Variants in MAD1L1 observed in about 807,000 individuals in gnomAD.
MAD1L1 encodes mitotic spindle assembly checkpoint protein MAD1.
A neutral mutation model predicts 96.9 loss-of-function variants in MAD1L1; 95 were observed. The observed-to-expected ratio is 0.98, with a 90% CI of 0.83 to 1.16. MAD1L1 has a LOEUF of 1.16. Among genes scored for constraint, MAD1L1 ranks in the 50% most tolerant of loss-of-function variants. The pLI is 0.00. For synonymous variants in MAD1L1, 473 were observed against 396.6 expected (o/e 1.19, Z -2.29); for missense variants, 1,007 against 954.4 (o/e 1.06, Z -0.73).
intron 18 of MAD1L1, among the ~76,000 whole-genome samples, chr7:1,825,009 T>TCAC (rs1782318092): frequency 6.6e-6 from 1 of 151,614 alleles, no homozygotes. Context: ...TCTTAGAAAA[T>TCAC]CAAAATGTTA....
intron 12 of MAD1L1, among the ~76,000 whole-genome samples, chr7:2,046,864 T>C (rs1783944614): frequency 6.6e-6 from 1 of 152,214 alleles, no homozygotes; most frequent in South Asian, 2.1e-4. Context: ...CAGCGCTCCC[T>C]GTGCCCACAC....
In MAD1L1 at chr7:2,115,837, C is replaced by T. The variant is rs986802903; in HGVS notation, c.1073+33315G>A. Among the ~76,000 whole-genome samples the T allele has an allele frequency of 2.6e-5, 4 of 152,354 alleles. No individual in the cohort carries two copies. In the South Asian group the frequency reaches 8.3e-4, roughly 32 times the overall value. ...TGAGGTGCTGCCATCAGGAGGGGAA[C>T]GGTGGCGGGCCCTGCGGGAAGAAGC... On this transcript the variant is annotated intron_variant, in intron 11 of 18. Coordinates refer to ENST00000265854, the MANE Select transcript of MAD1L1 (RefSeq NM_001013836.2).
intron 12 of MAD1L1, among the ~76,000 whole-genome samples, chr7:2,038,129 C>T (rs1783520620): frequency 1.3e-5 from 2 of 152,188 alleles, no homozygotes; most frequent in Admixed American, 6.5e-5. Context: ...ATCAAACCAG[C>T]CCCAACATTC....
At chr7:1,922,573 T>A (rs1241967320) in intron 17 of MAD1L1, among the ~76,000 whole-genome samples, 1 of 152,182 alleles carries the variant, frequency 6.6e-6, no homozygotes, top group Non-Finnish European at 1.5e-5. Context: ...TTCGACATAA[T>A]CACGCCACCT....
At chr7:1,964,706 C>T (rs1780087728) in intron 15 of MAD1L1, among the ~76,000 whole-genome samples, 1 of 152,236 alleles carries the variant, frequency 6.6e-6, no homozygotes, top group Admixed American at 6.5e-5. Flanking sequence ...CCAATCAAAG[C>T]AGGTGCCTGT....
intron 14 of MAD1L1, among the ~76,000 whole-genome samples, chr7:1,988,848 G>A (rs546694375): frequency 2.6e-5 from 4 of 152,170 alleles, no homozygotes; most frequent in Non-Finnish European, 4.4e-5. Context: ...CCCTGTGCCC[G>A]CACCAGGCTG....
rs115353522 is a variant in MAD1L1 at position 1,919,572 on chromosome 7, C to T, written c.1807+17115G>A. On this transcript the variant is annotated intron_variant, in intron 17 of 18. Coordinates refer to ENST00000265854, the MANE Select transcript of MAD1L1 (RefSeq NM_001013836.2). Reference sequence around the variant, plus strand: ...AGCTTCTACCAAATGGGCTCCTGCACGGGCCCAGAGGCCAATGGGCTCAGG... The same window carrying T: ...AGCTTCTACCAAATGGGCTCCTGCATGGGCCCAGAGGCCAATGGGCTCAGG... Among the ~76,000 whole-genome samples, 826 of 152,386 alleles carry T rather than the reference C, an allele frequency of 5.4e-3. 11 individuals are homozygous for T. Among genetic ancestry groups the T allele is most frequent in the African/African-American group, 0.019 (788 of 41,594 alleles).
At chr7:2,122,426 G>A (rs562772272) in intron 11 of MAD1L1, among the ~76,000 whole-genome samples, 3 of 152,110 alleles carry the variant, frequency 2.0e-5, no homozygotes, top group Non-Finnish European at 2.9e-5. Context: ...TTGGGAGTTC[G>A]AGACCAGCCT....
intron 12 of MAD1L1, among the ~76,000 whole-genome samples, chr7:2,017,845 C>G (rs981692589): frequency 3.3e-5 from 5 of 152,154 alleles, no homozygotes; most frequent in African/African-American, 1.2e-4. Context: ...ACCTGGGCAG[C>G]AGGGGCTGAG....
chr7:1,906,396 C>G (rs1051858094), intron 17 of MAD1L1, among the ~76,000 whole-genome samples: 1 of 152,344 alleles, frequency 6.6e-6, no homozygotes, highest in Admixed American at 6.5e-5. Context: ...CTGGGTGCCC[C>G]GGCCTGGCTG....
intron 14 of MAD1L1, among the ~76,000 whole-genome samples, chr7:1,996,145 G>A (rs911575489): frequency 9.2e-5 from 14 of 152,010 alleles, no homozygotes; most frequent in African/African-American, 2.9e-4. Context: ...CACAGCTCCT[G>A]GGCATGCAGG....
At chr7:2,145,364 T>C (rs1451832102) in intron 11 of MAD1L1, among the ~76,000 whole-genome samples, 1 of 152,198 alleles carries the variant, frequency 6.6e-6, no homozygotes, top group Non-Finnish European at 1.5e-5. Flanking sequence ...CAGAAGCTTC[T>C]TGCCTCTACC....
intron 13 of MAD1L1, among the ~76,000 whole-genome samples, 169 bp downstream of exon 13, chr7:2,014,333 T>A (rs1284267649): frequency 1.3e-5 from 2 of 152,022 alleles, no homozygotes; most frequent in Non-Finnish European, 2.9e-5. Flanking sequence ...TTAACGTGGA[T>A]CCACATGCAG....
At chr7:2,228,745 CTTT>C (rs11317086) in intron 3 of MAD1L1, among the ~76,000 whole-genome samples, 1 of 146,924 alleles carries the variant, frequency 6.8e-6, no homozygotes, top group South Asian at 2.1e-4. Flanking sequence ...AACTAGCATT[CTTT>C]TTTTTTTTTT....
At chr7:2,027,236 A>C (rs1239434256) in intron 12 of MAD1L1, among the ~76,000 whole-genome samples, 1 of 152,232 alleles carries the variant, frequency 6.6e-6, no homozygotes, top group African/African-American at 2.4e-5. Context: ...GTAAACAAGA[A>C]ACCCCTAGGC....
intron 11 of MAD1L1, among the ~76,000 whole-genome samples, chr7:2,147,785 T>C (rs1190994439): frequency 1.3e-5 from 2 of 152,176 alleles, no homozygotes; most frequent in East Asian, 3.9e-4. Context: ...TCAATCCACA[T>C]CTCTGACCAC....
At chr7:1,929,808 C>A (rs1258147939) in intron 17 of MAD1L1, among the ~76,000 whole-genome samples, 1 of 62,660 alleles carries the variant, frequency 1.6e-5, no homozygotes, top group Admixed American at 1.3e-4. Flanking sequence ...CGCCCCGTCC[C>A]CACTGCCACG....
intron 18 of MAD1L1, chr7:1,847,407 G>C (rs1010891996): frequency 2.1e-6 from 1 of 470,770 alleles, no homozygotes; most frequent in Non-Finnish European, 4.4e-6. Flanking sequence ...GATGTGGGGG[G>C]CCCGATGTAT....
chr7:1,921,293 C>CT lies in MAD1L1; in HGVS notation c.1807+15393dup, dbSNP rs199924142. The stretch of plus-strand genomic sequence containing the variant: ...TCAGTAAAAAATAAAACCTTGATAC[C>CT]TTTTTTTTGAATTTGACTAATTCTT... On this transcript the variant is annotated intron_variant, in intron 17 of 18. Coordinates refer to ENST00000265854, the MANE Select transcript of MAD1L1 (RefSeq NM_001013836.2). 7.8e-3 allele frequency among the ~76,000 whole-genome samples: 1,182 copies of CT among 151,774 alleles called. 15 individuals carry two copies. Among genetic ancestry groups the CT allele is most frequent in the African/African-American group, 0.028 (1,144 of 41,348 alleles).
Sources: gnomAD v4.1 joint callset for allele counts (sites outside exome capture counted in the v4.1 genomes callset) on GRCh38, gnomAD v4.1.1 for gene constraint, MANE v1.5 for transcripts, NCBI Gene and HGNC (gene_info 2026-07-23, HGNC 2026-07-21) for gene names.